Variants in AJM1 observed in about 807,000 individuals in gnomAD.
AJM1 encodes uncharacterized protein C9orf172.
A neutral mutation model predicts 43.0 loss-of-function variants in AJM1; 22 were observed. The ratio of observed to expected loss-of-function variants is 0.51; its 90% CI spans 0.37 to 0.73. The LOEUF is 0.73. Ranked by LOEUF, AJM1 falls within the 30% of genes least tolerant of loss-of-function variation. The probability of loss-of-function intolerance (pLI) is 0.00; values close to 1 mark genes in which losing one functional copy is unlikely to be tolerated. For synonymous variants in AJM1, 719 were observed against 638.3 expected, an observed-to-expected ratio of 1.13 and a Z score of -1.91; for missense variants, 1,305 against 1,343.3, an observed-to-expected ratio of 0.97 and a Z score of 0.45.
At position 136,845,761 on chromosome 9, in the gene AJM1, G is replaced by A. The variant is rs1438973056; in HGVS notation, c.1347G>A (p.Trp449Ter). The A allele has an allele frequency of 6.3e-7, 1 of 1,581,304 alleles. No homozygotes were observed. Among genetic ancestry groups the A allele is most frequent in the Non-Finnish European group, 8.5e-7 (1 of 1,171,480 alleles). Residue 449 changes from tryptophan (W) to a stop codon, truncating the protein, a stop_gained, in exon 3 of 3, where the codon TGG becomes TGA. Transcript: ENST00000436881. LOFTEE classifies it high-confidence loss of function. ...ATDSRHYSRS[W>*]DNILAPGPRR... is the part of the protein sequence containing the mutation. ...ACAGCCGCCACTACTCGCGCTCCTG[G>A]GACAACATTCTGGCCCCGGGGCCGC...
At position 136,845,253 on chromosome 9, in the gene AJM1, A is replaced by C; in HGVS notation, c.839A>C (p.Gln280Pro). 1 of 1,604,146 alleles carries C rather than the reference A, an allele frequency of 6.2e-7. No individual in the cohort carries two copies. Reference protein sequence around the residue: ...LPFTTPPGPTQFFYTEEPQGF... With the variant: ...LPFTTPPGPTPFFYTEEPQGF... ...TTCACCACCCCGCCGGGCCCCACCC[A>C]GTTCTTCTATACAGAGGAGCCCCAA... Residue 280 changes from glutamine to proline, a missense_variant, in exon 3 of 3, where the codon CAG (glutamine) becomes CCG (proline). Transcript: ENST00000436881.
In AJM1 at chr9:136,848,434, G is replaced by A. The variant is rs1231476525; in HGVS notation, c.*1089G>A. On this transcript the variant is annotated 3_prime_UTR_variant, in exon 3 of 3. Transcript: ENST00000436881. The stretch of plus-strand genomic sequence containing the variant: ...GGCCCGGCCTCCACCTGTCCCCCAA[G>A]TGCACCCTGGTCCGCGCCCAGAGCT... 1 of 152,414 alleles carries A rather than the reference G, an allele frequency of 6.6e-6. No individual in the cohort carries two copies. The highest frequency in any genetic ancestry group is 2.4e-5 in the African/African-American group (1 of 41,474). The allele number at this position is 152,414 out of a possible 1,614,324, so 9.4% of individuals were successfully genotyped here. A position where few individuals can be genotyped will look rare whatever the true frequency, so the allele number is the denominator to read the frequency against.
Position 136,844,883 on chromosome 9 carries a change from G to T in AJM1, c.469G>T (p.Gly157Cys). 1 of 222,462 alleles carries T rather than the reference G, an allele frequency of 4.5e-6. No individual in the cohort carries two copies. The allele number at this position is 222,462 out of a possible 1,614,324, so 13.8% of individuals were successfully genotyped here. ...HPIKLQPQRG[G>C]PGRVAPLCAA... The stretch of plus-strand genomic sequence containing the variant: ...CATCAAGTTGCAGCCGCAGCGGGGC[G>T]GCCCCGGCCGCGTCGCGCCCCTGTG... Residue 157 changes from glycine to cysteine, a missense_variant, in exon 3 of 3, where the codon GGC (glycine) becomes TGC (cysteine). Physicochemically the swap from Gly to Cys is radical, Grantham distance 159. Transcript: ENST00000436881.
Position 136,846,633 on chromosome 9 carries a change from C to T in AJM1, c.2219C>T (p.Ala740Val). 4 of 1,596,830 alleles carry T rather than the reference C, an allele frequency of 2.5e-6. No homozygotes were observed. The highest frequency in any genetic ancestry group is 1.1e-5 in the South Asian group (1 of 90,692). The part of the protein sequence containing the change: ...GPVHRAFSRI[A>V]RVGFLSRGRG... ...GTGCACCGCGCTTTCTCGCGCATCG[C>T]GCGTGTCGGCTTCCTGTCGCGCGGC... is the stretch of plus-strand genomic sequence containing the variant. The change falls in exon 3 of 3, where the codon GCG becomes GTG. Residue 740 changes from alanine (A) to valine (V), a missense_variant. Transcript: ENST00000436881.
In AJM1 at chr9:136,847,306, C is replaced by T. The variant is rs781001738; in HGVS notation, c.2892C>T (p.Asp964=). Residue 964 remains aspartate, a synonymous_variant, in exon 3 of 3, where the codon GAC becomes GAT. Coordinates refer to ENST00000436881, the MANE Select transcript of AJM1 (RefSeq NM_001080482.5). ...IMAASEPRAL[D]WVASANLLDD... is the part of the protein sequence containing the mutation. The stretch of plus-strand genomic sequence containing the variant: ...CCGCCTCCGAGCCGCGCGCGCTCGA[C>T]TGGGTGGCCAGCGCCAACCTGCTGG... 5.2e-6 allele frequency: 8 copies of T among 1,542,592 alleles called. No homozygotes were observed. Among genetic ancestry groups the T allele is most frequent in the Middle Eastern group, 1.7e-4 (1 of 5,980 alleles).
At position 136,847,168 on chromosome 9, in the gene AJM1, G is replaced by A; in HGVS notation, c.2754G>A (p.Pro918=). Residue 918 remains proline (P), a synonymous_variant, in exon 3 of 3, where the codon CCG becomes CCA. Transcript: ENST00000436881. ...LRGVFLRHEF[P]RVYEQLCEFV... ...GCGTCTTCCTGCGCCACGAGTTCCC[G>A]CGCGTCTACGAGCAGCTTTGCGAGT... The A allele has an allele frequency of 6.2e-7, 1 of 1,602,430 alleles. No homozygotes were observed. Among genetic ancestry groups the A allele is most frequent in the South Asian group, 1.1e-5 (1 of 90,832 alleles).
rs1848770009 is a variant in AJM1 at position 136,846,046 on chromosome 9, G to A, written c.1632G>A (p.Glu544=). ...CTGACAATGACCTGCGCGCCACCGA[G>A]CGCCCGAGCGCCAGGGCCTGGGAGT... ...TITDNDLRAT[E]RPSARAWELP... Residue 544 remains glutamate (E), a synonymous_variant, in exon 3 of 3, where the codon GAG becomes GAA. Coordinates refer to ENST00000436881, the MANE Select transcript of AJM1 (RefSeq NM_001080482.5). 5 of 1,541,034 alleles carry A rather than the reference G, an allele frequency of 3.2e-6. No individual in the cohort carries two copies. The highest frequency in any genetic ancestry group is 3.5e-6 in the Non-Finnish European group (4 of 1,145,298).
chr9:136,845,016 C>G lies in AJM1; in HGVS notation c.602C>G (p.Thr201Ser). 1 of 684,024 alleles carries G rather than the reference C, an allele frequency of 1.5e-6. No individual in the cohort carries two copies. Among genetic ancestry groups the G allele is most frequent in the Non-Finnish European group, 2.5e-6 (1 of 403,318 alleles). The allele number at this position is 684,024 out of a possible 1,614,324, so 42.4% of individuals were successfully genotyped here. Residue 201 changes from threonine to serine, a missense_variant, in exon 3 of 3, where the codon ACC becomes AGC. By Grantham distance (58) the Thr-to-Ser change is moderately conservative. This residue lies in a region of AJM1 where 653 missense variants were observed against 549.1 expected (regional missense o/e 1.19). Coordinates refer to ENST00000436881, the MANE Select transcript of AJM1 (RefSeq NM_001080482.5). ...KPDDAVLQHA[T>S]RGSRSCGPTE... The stretch of plus-strand genomic sequence containing the variant: ...GACGACGCAGTGCTCCAGCACGCCA[C>G]CCGGGGCTCGCGGTCCTGCGGGCCC...
rs1354980078 is a variant in AJM1, at chr9:136,844,561, C to G, written c.147C>G (p.His49Gln). The G allele has an allele frequency of 6.2e-7, 1 of 1,603,108 alleles. No homozygotes were observed. The highest frequency in any genetic ancestry group is 1.1e-5 in the South Asian group (1 of 89,832). Reference sequence around the variant, plus strand: ...AGCCCGCGCCTTTCAACAAGCGCCACTGCCGCAGCTTCGACTTCCTGGAGG... The same window carrying G: ...AGCCCGCGCCTTTCAACAAGCGCCAGTGCCGCAGCTTCGACTTCCTGGAGG... ...PAEPAPFNKR[H>Q]CRSFDFLEAL... The change falls in exon 3 of 3, where the codon CAC becomes CAG. Residue 49 changes from histidine (H) to glutamine (Q), a missense_variant. Physicochemically the swap from His to Gln is conservative, Grantham distance 24. This residue lies in a region of AJM1 where 128 missense variants were observed against 120.6 expected (regional missense o/e 1.06). Coordinates refer to ENST00000436881, the MANE Select transcript of AJM1 (RefSeq NM_001080482.5).
At position 136,845,980 on chromosome 9, in the gene AJM1, C is replaced by G. The variant is rs767075175; in HGVS notation, c.1566C>G (p.Gly522=). ...SLTEKGRAGE[G]LGRNWYVTPE... ...CGGAGAAGGGCCGCGCGGGCGAGGG[C>G]CTGGGCCGCAACTGGTACGTGACGC... Residue 522 remains glycine (G), a synonymous_variant, in exon 3 of 3, where the codon GGC becomes GGG. Transcript: ENST00000436881. The G allele has an allele frequency of 6.4e-7, 1 of 1,553,704 alleles. No individual in the cohort carries two copies. Among genetic ancestry groups the G allele is most frequent in the South Asian group, 1.2e-5 (1 of 84,290 alleles).
chr9:136,842,639 G>A (rs1362043593), intron 1 of AJM1, among the ~76,000 whole-genome samples, 50 bp downstream of exon 1: 3 of 152,238 alleles, frequency 2.0e-5, no homozygotes, highest in Non-Finnish European at 4.4e-5. Flanking sequence ...CATGGGCGGG[G>A]GAAGCTGCCT....
At position 136,846,952 on chromosome 9, in the gene AJM1, G is replaced by C. The variant is rs1389476604; in HGVS notation, c.2538G>C (p.Lys846Asn). The change falls in exon 3 of 3, where the codon AAG becomes AAC. Residue 846 changes from lysine (K) to asparagine (N), a missense_variant. Lys to Asn is a moderately conservative substitution (Grantham distance 94). Transcript: ENST00000436881. Reference sequence around the variant, plus strand: ...GCAGCCACGGGCCAACAGTGCGCAAGTTCGCCAAGGTAGCGCTGGCGGCCG... The same window carrying C: ...GCAGCCACGGGCCAACAGTGCGCAACTTCGCCAAGGTAGCGCTGGCGGCCG... ...APRSHGPTVR[K>N]FAKVALAAGS... The C allele has an allele frequency of 1.5e-6, 2 of 1,349,408 alleles. No homozygotes were observed. Among genetic ancestry groups the C allele is most frequent in the Non-Finnish European group, 1.9e-6 (2 of 1,032,246 alleles). 83.6% of individuals were successfully genotyped at this position (1,349,408 alleles called of 1,614,324 possible). A position where few individuals can be genotyped will look rare whatever the true frequency, so the allele number is the denominator to read the frequency against.
Position 136,847,277 on chromosome 9 carries a change from A to T in AJM1, c.2863A>T (p.Met955Leu). 8 of 1,578,998 alleles carry T rather than the reference A, an allele frequency of 5.1e-6. No homozygotes were observed. The highest frequency in any genetic ancestry group is 6.9e-6 in the Non-Finnish European group (8 of 1,167,876). Residue 955 changes from methionine to leucine, a missense_variant, in exon 3 of 3, where the codon ATG becomes TTG. Transcript: ENST00000436881. Reference protein sequence around the residue: ...RTGRPFMCMIMAASEPRALDW... With the variant: ...RTGRPFMCMILAASEPRALDW... ...CGGCCGCCCCTTCATGTGCATGATC[A>T]TGGCCGCCTCCGAGCCGCGCGCGCT...
rs1252502139 is a variant in AJM1, at chr9:136,846,997, C to G, written c.2583C>G (p.Pro861=). The G allele has an allele frequency of 1.1e-5, 14 of 1,231,708 alleles. No individual in the cohort carries two copies. Among genetic ancestry groups the G allele is most frequent in the South Asian group, 3.4e-5 (2 of 59,312 alleles). 76.3% of individuals were successfully genotyped at this position (1,231,708 alleles called of 1,614,324 possible). A position where few individuals can be genotyped will look rare whatever the true frequency, so the allele number is the denominator to read the frequency against. Residue 861 remains proline, a synonymous_variant, in exon 3 of 3, where the codon CCC becomes CCG. Coordinates refer to ENST00000436881, the MANE Select transcript of AJM1 (RefSeq NM_001080482.5). ...CGGCCGGCAGCCCCGCGCGGCCGCC[C>G]CCGGCGCGGAGCCGCGAGCCCGACA... The part of the protein sequence containing the change: ...ALAAGSPARP[P]PARSREPDME...
chr9:136,844,599 C>T lies in AJM1; in HGVS notation c.185C>T (p.Pro62Leu). Residue 62 changes from proline to leucine, a missense_variant, in exon 3 of 3, where the codon CCG becomes CTG. Pro to Leu is a moderately conservative substitution (Grantham distance 98). Transcript: ENST00000436881. Reference protein sequence around the residue: ...SFDFLEALDGPAMETLPEPPP... With the variant: ...SFDFLEALDGLAMETLPEPPP... ...GACTTCCTGGAGGCGCTGGACGGGCCGGCCATGGAGACCCTGCCGGAGCCA... is the reference window on the plus strand; with the variant it reads ...GACTTCCTGGAGGCGCTGGACGGGCTGGCCATGGAGACCCTGCCGGAGCCA... 6.3e-7 allele frequency: 1 copy of T among 1,581,520 alleles called. No homozygotes were observed. Among genetic ancestry groups the T allele is most frequent in the Non-Finnish European group, 8.6e-7 (1 of 1,165,988 alleles).
chr9:136,844,028 C>T (rs529223775), intron 1 of AJM1, among the ~76,000 whole-genome samples, 168 bp from the exon 2 acceptor site: 2 of 152,326 alleles, frequency 1.3e-5, no homozygotes, highest in Admixed American at 6.5e-5. Flanking sequence ...CCCGAGCCGA[C>T]CCCGCCGTCA....
Position 136,847,579 on chromosome 9 carries a change from C to A in AJM1, c.*234C>A, listed in dbSNP as rs1316911167. 7.2e-6 allele frequency: 3 copies of A among 418,274 alleles called. No homozygotes were observed. Among genetic ancestry groups the A allele is most frequent in the Non-Finnish European group, 1.3e-5 (3 of 237,806 alleles). 25.9% of individuals were successfully genotyped at this position (418,274 alleles called of 1,614,324 possible). On this transcript the variant is annotated 3_prime_UTR_variant, in exon 3 of 3. Coordinates refer to ENST00000436881, the MANE Select transcript of AJM1 (RefSeq NM_001080482.5). ...GTCCCCGTAGTGTTCCTCACAGGCC[C>A]TTCGCCTTCCCACCCCCAGCAACCC...
Position 136,844,390 on chromosome 9 carries a change from C to T in AJM1, c.-25C>T, listed in dbSNP as rs761472041. 5 of 1,591,080 alleles carry T rather than the reference C, an allele frequency of 3.1e-6. No homozygotes were observed. The highest frequency in any genetic ancestry group is 3.4e-5 in the Admixed American group (2 of 59,438). On this transcript the variant is annotated 5_prime_UTR_variant, in exon 3 of 3. Coordinates refer to ENST00000436881, the MANE Select transcript of AJM1 (RefSeq NM_001080482.5). The stretch of plus-strand genomic sequence containing the variant: ...CCCGCAAGGCAGTGTGAGCTGGAGC[C>T]GCCAGCCTGGGGACCTCTTTTAAGA...
Position 136,847,145 on chromosome 9 carries a change from G to A in AJM1, c.2731G>A (p.Val911Ile), listed in dbSNP as rs1848788705. 1.3e-6 allele frequency: 2 copies of A among 1,598,406 alleles called. No homozygotes were observed. The highest frequency in any genetic ancestry group is 8.5e-7 in the Non-Finnish European group (1 of 1,178,108). The change falls in exon 3 of 3, where the codon GTC becomes ATC. Residue 911 changes from valine (V) to isoleucine (I), a missense_variant. By Grantham distance (29) the Val-to-Ile change is conservative. Around this residue, in one of 6 missense-constraint regions of AJM1, gnomAD observed 116 missense variants for 113.4 expected, o/e 1.02. Coordinates refer to ENST00000436881, the MANE Select transcript of AJM1 (RefSeq NM_001080482.5). ...CCAGCGCGAGCTGCGGCTGCGCGGC[G>A]TCTTCCTGCGCCACGAGTTCCCGCG... ...HIQRELRLRG[V>I]FLRHEFPRVY...
Sources: gnomAD v4.1 joint callset for allele counts (sites outside exome capture counted in the v4.1 genomes callset) on GRCh38, gnomAD v4.1.1 for gene constraint, gnomAD v4.1.1 regional missense constraint, MANE v1.5 for transcripts, NCBI Gene and HGNC (gene_info 2026-07-23, HGNC 2026-07-21) for gene names.